Variants in ADGRD1 observed in about 807,000 individuals in gnomAD.
ADGRD1 encodes G-protein coupled receptor 133.
ADGRD1 carries 77 observed loss-of-function variants against 113.4 expected under a neutral mutation model. That is an observed-to-expected ratio of 0.68 (90% confidence interval 0.57 to 0.82). The LOEUF is 0.82. Ranked by LOEUF, ADGRD1 falls within the 40% of genes least tolerant of loss-of-function variation. The probability of loss-of-function intolerance (pLI) is 0.00; values close to 1 mark genes in which losing one functional copy is unlikely to be tolerated. For synonymous variants in ADGRD1, 474 were observed against 475.0 expected (o/e 1.00, Z 0.03); for missense variants, 1,036 against 1,139.1 (o/e 0.91, Z 1.30).
chr12:131,067,034 G>A (rs576364726), intron 13 of ADGRD1, among the ~76,000 whole-genome samples: 2 of 152,194 alleles, frequency 1.3e-5, no homozygotes, highest in South Asian at 2.1e-4. Context: ...CGGGGCTGCC[G>A]CCAGGCTCAG....
chr12:130,964,903 A>AT (rs1565985107), intron 2 of ADGRD1, among the ~76,000 whole-genome samples: 1 of 151,836 alleles, frequency 6.6e-6, no homozygotes, highest in Non-Finnish European at 1.5e-5. Flanking sequence ...TTTCTTTCTT[A>AT]TTTTTTATAT....
intron 13 of ADGRD1, among the ~76,000 whole-genome samples, chr12:131,021,915 T>C (rs560904819): frequency 5.3e-5 from 8 of 152,140 alleles, no homozygotes; most frequent in Non-Finnish European, 1.0e-4. Context: ...CTATGTTGCT[T>C]AGGCTGGTCT....
intron 13 of ADGRD1, among the ~76,000 whole-genome samples, chr12:131,071,043 AGG>A: frequency 6.6e-6 from 1 of 151,332 alleles, no homozygotes; most frequent in Non-Finnish European, 1.5e-5. Flanking sequence ...GCTAAGTGAA[AGG>A]AGGTGGAGCC....
At chr12:131,074,583 C>T (rs1407873215) in intron 13 of ADGRD1, among the ~76,000 whole-genome samples, 2 of 152,198 alleles carry the variant, frequency 1.3e-5, no homozygotes, top group Admixed American at 1.3e-4. Context: ...ATGCAGATGA[C>T]TTACATTCTG....
rs535115172 is a variant in ADGRD1 at position 131,109,714 on chromosome 12, A to T, written c.2041+837A>T. Among the ~76,000 whole-genome samples, 5 of 152,264 alleles carry T rather than the reference A, an allele frequency of 3.3e-5. No homozygotes were observed. The East Asian group carries it at 9.6e-4, about 29-fold the overall frequency. On this transcript the variant is annotated intron_variant, in intron 18 of 24. Coordinates refer to ENST00000261654, the MANE Select transcript of ADGRD1 (RefSeq NM_198827.5). The stretch of plus-strand genomic sequence containing the variant: ...AGAAGAATGTATATTCTGCTGTTGG[A>T]TGGAGTGGTCTACAGATACCTGTTA...
At chr12:131,051,283 A>T (rs1023075279) in intron 13 of ADGRD1, among the ~76,000 whole-genome samples, 5 of 152,194 alleles carry the variant, frequency 3.3e-5, no homozygotes, top group African/African-American at 1.2e-4. Flanking sequence ...ATTGACATCA[A>T]CAATAGCCAA....
In ADGRD1 at chr12:131,022,598, G is replaced by A. The variant is rs527995341; in HGVS notation, c.1473+8258G>A. ...TACGGATTCTGTTGCTCCCGTTGTC[G>A]CGGCCGTGACCGTCGGGAGCTCTGT... On this transcript the variant is annotated intron_variant, in intron 13 of 24. Transcript: ENST00000261654. This position sits in a 1 kb window ranked among gnomAD's most constrained non-coding sequence, Gnocchi z 4.6. 1.4e-4 allele frequency among the ~76,000 whole-genome samples: 21 copies of A among 152,250 alleles called. No homozygotes were observed. In the South Asian group the frequency reaches 3.7e-3, roughly 27 times the overall value.
chr12:130,975,394 G>A (rs1872194639), intron 4 of ADGRD1, among the ~76,000 whole-genome samples: 1 of 152,156 alleles, frequency 6.6e-6, no homozygotes, highest in Non-Finnish European at 1.5e-5. Flanking sequence ...TCAGTGCCTG[G>A]CACACCATAG....
Position 131,006,059 on chromosome 12 carries a change from G to A in ADGRD1, c.1331+12G>A. 2 of 1,611,718 alleles carry A rather than the reference G, an allele frequency of 1.2e-6. No homozygotes were observed. Among genetic ancestry groups the A allele is most frequent in the South Asian group, 2.2e-5 (2 of 91,036 alleles). On this transcript the variant is annotated intron_variant, in intron 12 of 24. Transcript: ENST00000261654. ...CCCGCCCACACCAAGTGAGTCTCGG[G>A]GGTGCTCAGCTCAGGGGCGTGGGTG...
chr12:131,053,991 GTC>G lies in ADGRD1; in HGVS notation c.1474-22807_1474-22806del, dbSNP rs532912406. On this transcript the variant is annotated intron_variant, in intron 13 of 24. Coordinates refer to ENST00000261654, the MANE Select transcript of ADGRD1 (RefSeq NM_198827.5). ...CTGGTTATAGCCCGTCCCATTTACT[GTC>G]TCCCTCCCAGTTTCTGCTTCCCCTC... 3.5e-3 allele frequency among the ~76,000 whole-genome samples: 536 copies of G among 152,206 alleles called. 2 individuals carry two copies. The highest frequency in any genetic ancestry group is 5.2e-3 in the Non-Finnish European group (354 of 68,012).
Position 130,954,407 on chromosome 12 carries a change from C to G in ADGRD1, c.-59C>G, listed in dbSNP as rs1469344344. Reference sequence around the variant, plus strand: ...CAAGGAAGTGAAGGTTAAGAGGTCCCGTTCTCACAGACCCTCAGGAATTTC... The same window carrying G: ...CAAGGAAGTGAAGGTTAAGAGGTCCGGTTCTCACAGACCCTCAGGAATTTC... On this transcript the variant is annotated 5_prime_UTR_variant, in exon 1 of 25. Transcript: ENST00000261654. This position sits in a 1 kb window ranked among gnomAD's most constrained non-coding sequence, Gnocchi z 4.7. 2 of 1,407,710 alleles carry G rather than the reference C, an allele frequency of 1.4e-6. No homozygotes were observed. The highest frequency in any genetic ancestry group is 2.3e-5 in the Admixed American group (1 of 43,744). The allele number at this position is 1,407,710 out of a possible 1,614,324, so 87.2% of individuals were successfully genotyped here.
chr12:130,992,548 G>T, intron 8 of ADGRD1, 156 bp downstream of exon 8: 1 of 638,152 alleles, frequency 1.6e-6, no homozygotes. Context: ...CAGCTGGTGT[G>T]GCCCTCCTGG....
rs1884244013 is a variant in ADGRD1 at position 131,060,699 on chromosome 12, G to T, written c.1474-16102G>T. ...CCTGCCTGTGACACCTGATGGTTCT[G>T]TGTCTTCCATCTTCCCTCACGTATC... On this transcript the variant is annotated intron_variant, in intron 13 of 24. Coordinates refer to ENST00000261654, the MANE Select transcript of ADGRD1 (RefSeq NM_198827.5). The surrounding 1 kb of genome is among the most constrained non-coding windows in gnomAD (Gnocchi z 4.4). Among the ~76,000 whole-genome samples the T allele has an allele frequency of 6.6e-6, 1 of 152,186 alleles. No individual in the cohort carries two copies. Among genetic ancestry groups the T allele is most frequent in the Non-Finnish European group, 1.5e-5 (1 of 68,036 alleles).
intron 4 of ADGRD1, among the ~76,000 whole-genome samples, chr12:130,975,515 A>G (rs1872206139): frequency 6.6e-6 from 1 of 152,180 alleles, no homozygotes; most frequent in African/African-American, 2.4e-5. Flanking sequence ...CATTGAACCT[A>G]TAGTCAATAC....
At chr12:131,101,295 A>G (rs1367062159) in intron 15 of ADGRD1, among the ~76,000 whole-genome samples, 4 of 148,854 alleles carry the variant, frequency 2.7e-5, no homozygotes, top group Admixed American at 6.7e-5. Context: ...TTTGGACACC[A>G]CTGCTTTCTT....
chr12:131,138,341 T>C, intron 24 of ADGRD1, 112 bp downstream of exon 24: 1 of 814,324 alleles, frequency 1.2e-6, no homozygotes, highest in Non-Finnish European at 2.0e-6. Context: ...TGCCCAGCAG[T>C]CTTTGTCCCC....
chr12:131,005,011 C>G (rs978680724), intron 11 of ADGRD1, among the ~76,000 whole-genome samples: 2 of 152,238 alleles, frequency 1.3e-5, no homozygotes, highest in Non-Finnish European at 2.9e-5. Context: ...CCCTGCCACC[C>G]TGGCCAGAGG....
chr12:131,087,889 G>A (rs1181760805), intron 15 of ADGRD1, among the ~76,000 whole-genome samples: 2 of 152,216 alleles, frequency 1.3e-5, no homozygotes, highest in Admixed American at 6.5e-5. Flanking sequence ...ACCAGAGGGC[G>A]GTGAACGTAG....
At chr12:131,117,269 C>CA (rs1950489615) in intron 18 of ADGRD1, among the ~76,000 whole-genome samples, 1 of 152,190 alleles carries the variant, frequency 6.6e-6, no homozygotes, top group African/African-American at 2.4e-5. Flanking sequence ...AAATATTAAA[C>CA]ACATTTAATT....
Sources: gnomAD v4.1 joint callset for allele counts (sites outside exome capture counted in the v4.1 genomes callset) on GRCh38, gnomAD v4.1.1 for gene constraint, Gnocchi (gnomAD v3.1) non-coding constraint, MANE v1.5 for transcripts, NCBI Gene and HGNC (gene_info 2026-07-23, HGNC 2026-07-21) for gene names.